Variants in B3GALT1 observed in about 807,000 individuals in gnomAD.
B3GALT1 encodes the protein UDP-Gal:betaGlcNAc beta 1,3-galactosyltransferase, polypeptide 1.
Under a neutral mutation model 23.2 loss-of-function variants are expected in B3GALT1, and 10 were observed. The observed-to-expected ratio is 0.43, with a 90% CI of 0.27 to 0.73. B3GALT1 has a LOEUF of 0.73. B3GALT1 is among the 30% of genes least tolerant of loss of function. The pLI is 0.21. For synonymous variants in B3GALT1, 156 were observed against 141.5 expected, an observed-to-expected ratio of 1.10 and a Z score of -0.73; for missense variants, 299 against 405.4, an observed-to-expected ratio of 0.74 and a Z score of 2.25.
chr2:167,816,483 T>C (rs893305796), intron 3 of B3GALT1, among the ~76,000 whole-genome samples: 1 of 152,150 alleles, frequency 6.6e-6, no homozygotes, highest in African/African-American at 2.4e-5. Flanking sequence ...TTTCACTCAG[T>C]GAATGCTATG....
intron 3 of B3GALT1, among the ~76,000 whole-genome samples, chr2:167,804,577 G>C (rs1688710527): frequency 6.6e-6 from 1 of 152,016 alleles, no homozygotes; most frequent in Non-Finnish European, 1.5e-5. Context: ...AACATGCGGT[G>C]TTTGGTTTTT....
chr2:167,380,890 G>C (rs1403764323), intron 1 of B3GALT1, among the ~76,000 whole-genome samples: 1 of 152,054 alleles, frequency 6.6e-6, no homozygotes, highest in Non-Finnish European at 1.5e-5. Flanking sequence ...TCTCGCCTCT[G>C]GGATCTGGGG....
intron 3 of B3GALT1, among the ~76,000 whole-genome samples, chr2:167,717,654 T>C (rs1302400542): frequency 6.6e-6 from 1 of 152,220 alleles, no homozygotes; most frequent in Non-Finnish European, 1.5e-5. Flanking sequence ...GAAAAACATA[T>C]CTTTACAGAT....
At chr2:167,384,258 G>A (rs766290492) in intron 1 of B3GALT1, among the ~76,000 whole-genome samples, 1 of 152,120 alleles carries the variant, frequency 6.6e-6, no homozygotes, top group Non-Finnish European at 1.5e-5. Context: ...ATCTTTTCTG[G>A]ATCCTTAAAG....
chr2:167,626,155 G>A (rs887354674), intron 2 of B3GALT1, among the ~76,000 whole-genome samples: 1 of 151,020 alleles, frequency 6.6e-6, no homozygotes, highest in Admixed American at 6.6e-5. Context: ...AACTATTTAA[G>A]TAAATACCAT....
At chr2:167,577,596 A>G (rs1238616368) in intron 2 of B3GALT1, among the ~76,000 whole-genome samples, 1 of 151,856 alleles carries the variant, frequency 6.6e-6, no homozygotes, top group Non-Finnish European at 1.5e-5. Flanking sequence ...ATGGATTCAT[A>G]ATGAACAGGT....
chr2:167,672,675 G>T (rs1286567019), intron 3 of B3GALT1, among the ~76,000 whole-genome samples: 1 of 151,978 alleles, frequency 6.6e-6, no homozygotes, highest in African/African-American at 2.4e-5. Context: ...TTACCTTTAG[G>T]GTTGTAATAA....
At chr2:167,361,353 C>T (rs1697496981) in intron 1 of B3GALT1, among the ~76,000 whole-genome samples, 1 of 151,780 alleles carries the variant, frequency 6.6e-6, no homozygotes, top group Non-Finnish European at 1.5e-5. Flanking sequence ...AGTATATGAC[C>T]AGTCGTATCG....
In B3GALT1 at chr2:167,829,817, A is replaced by C. The variant is rs568212712; in HGVS notation, c.-230+11024A>C. ...GAGATGCGCGGAGAATGGGGTGGGA[A>C]GTTATGTGAGAAAGAGAAGCCATAG... On this transcript the variant is annotated intron_variant, in intron 4 of 4. Coordinates refer to ENST00000392690, the MANE Select transcript of B3GALT1 (RefSeq NM_020981.4). 7.2e-5 allele frequency among the ~76,000 whole-genome samples: 11 copies of C among 152,164 alleles called. No homozygotes were observed. The East Asian group carries it at 2.1e-3, about 30-fold the overall frequency.
At chr2:167,763,575 C>T (rs1687927384) in intron 3 of B3GALT1, among the ~76,000 whole-genome samples, 1 of 150,640 alleles carries the variant, frequency 6.6e-6, no homozygotes, top group Admixed American at 6.6e-5. Flanking sequence ...ACCTGTAATC[C>T]AGCTACTCGG....
chr2:167,567,412 C>G (rs1684191908), intron 2 of B3GALT1, among the ~76,000 whole-genome samples: 1 of 152,064 alleles, frequency 6.6e-6, no homozygotes, highest in Admixed American at 6.5e-5. Context: ...ATTAAGCTCT[C>G]TGTACCATTG....
At chr2:167,505,377 G>T (rs1255514664) in intron 2 of B3GALT1, among the ~76,000 whole-genome samples, 1 of 152,070 alleles carries the variant, frequency 6.6e-6, no homozygotes, top group Non-Finnish European at 1.5e-5. Flanking sequence ...GCCAGTGTAG[G>T]TTTTCTAAAA....
rs563091093 is a variant in B3GALT1 at position 167,791,632 on chromosome 2, C to A, written c.-351-27040C>A. ...TTTAACTAATGCAGAGCACATGTGCCCAGAGGATCCTGTAATGAATCCATT... is the reference window on the plus strand; with the variant it reads ...TTTAACTAATGCAGAGCACATGTGCACAGAGGATCCTGTAATGAATCCATT... On this transcript the variant is annotated intron_variant, in intron 3 of 4. Coordinates refer to ENST00000392690, the MANE Select transcript of B3GALT1 (RefSeq NM_020981.4). 2.3e-3 allele frequency among the ~76,000 whole-genome samples: 354 copies of A among 152,050 alleles called. 7 individuals carry two copies. The highest frequency in any genetic ancestry group is 8.2e-3 in the African/African-American group (341 of 41,494).
At chr2:167,774,286 C>T (rs1558974621) in intron 3 of B3GALT1, among the ~76,000 whole-genome samples, 1 of 151,892 alleles carries the variant, frequency 6.6e-6, no homozygotes, top group South Asian at 2.1e-4. Context: ...GTCAAAGTCC[C>T]CTATGTTTCT....
chr2:167,572,958 A>T (rs937736420), intron 2 of B3GALT1, among the ~76,000 whole-genome samples: 1 of 151,854 alleles, frequency 6.6e-6, no homozygotes, highest in South Asian at 2.1e-4. Flanking sequence ...TCCTTACCCC[A>T]ATTCAAAGAG....
chr2:167,649,068 G>C (rs1685809351), intron 3 of B3GALT1, among the ~76,000 whole-genome samples: 1 of 151,994 alleles, frequency 6.6e-6, no homozygotes, highest in South Asian at 2.1e-4. Flanking sequence ...TTTTTTTATT[G>C]ACTCACTGGA....
At chr2:167,303,864 A>G (rs1200790562) in intron 1 of B3GALT1, among the ~76,000 whole-genome samples, 1 of 152,116 alleles carries the variant, frequency 6.6e-6, no homozygotes, top group African/African-American at 2.4e-5. Flanking sequence ...GGAAAGGCCA[A>G]TGCCACTGTG....
chr2:167,828,076 G>T (rs533093416), intron 4 of B3GALT1, among the ~76,000 whole-genome samples: 2 of 152,224 alleles, frequency 1.3e-5, no homozygotes, highest in African/African-American at 4.8e-5. Context: ...CTGTGTATAA[G>T]ACCTCATGTT....
intron 2 of B3GALT1, among the ~76,000 whole-genome samples, chr2:167,550,607 A>G (rs1458155963): frequency 1.3e-5 from 2 of 152,192 alleles, no homozygotes; most frequent in Non-Finnish European, 2.9e-5. Flanking sequence ...AATTTCCTGT[A>G]CCATATAAAA....
Sources: allele counts gnomAD v4.1 joint callset (sites outside exome capture counted in the v4.1 genomes callset), GRCh38; gene constraint gnomAD v4.1.1; transcripts MANE v1.5; gene names NCBI Gene and HGNC (gene_info 2026-07-23, HGNC 2026-07-21).